PGM1: variants seen among roughly 807,000 people sequenced by gnomAD.
PGM1 encodes the protein phosphoglucomutase 1, also known as phosphoglucomutase-1.
PGM1 carries 52 observed loss-of-function variants against 55.6 expected under a neutral mutation model. The observed-to-expected ratio is 0.94, with a 90% CI of 0.75 to 1.18. PGM1 has a LOEUF of 1.18. Ranked by LOEUF, PGM1 falls within the 50% of genes most tolerant of loss-of-function variation. PGM1 has a pLI of 0.00. For missense variants in PGM1, 724 were observed against 729.3 expected, an observed-to-expected ratio of 0.99 and a Z score of 0.08; for synonymous variants, 287 against 271.7, an observed-to-expected ratio of 1.06 and a Z score of -0.55.
rs1650071480 is a variant in PGM1 at position 63,659,844 on chromosome 1, C to T, written c.*169C>T. 2 of 673,352 alleles carry T rather than the reference C, an allele frequency of 3.0e-6. No individual in the cohort carries two copies. The highest frequency in any genetic ancestry group is 2.7e-6 in the Non-Finnish European group (1 of 366,124). 41.7% of individuals were successfully genotyped at this position (673,352 alleles called of 1,614,324 possible). On this transcript the variant is annotated 3_prime_UTR_variant, in exon 11 of 11. Coordinates refer to ENST00000371084, the MANE Select transcript of PGM1 (RefSeq NM_002633.3). ...ACAAGGCACTGCCAAACAAGATGCC[C>T]TTGGGAGCTGTGAGGGAAAGAGGAC...
At position 63,654,446 on chromosome 1, in the gene PGM1, A is replaced by G; in HGVS notation, c.1579A>G (p.Lys527Glu). The change falls in exon 10 of 11, where the codon AAG (lysine) becomes GAG (glutamate). Residue 527 changes from lysine to glutamate, a missense_variant. Lys to Glu is a moderately conservative substitution (Grantham distance 56). Around this residue, in one of 3 missense-constraint regions of PGM1, gnomAD observed 316 missense variants for 313.1 expected, o/e 1.01. Coordinates refer to ENST00000371084, the MANE Select transcript of PGM1 (RefSeq NM_002633.3). ...CGATAGCTATGAGAAGGACGTTGCC[A>G]AGATTAACCAGGACCCCCAGGTAAC... ...YIDSYEKDVA[K>E]INQDPQVMLA... 1 of 1,614,026 alleles carries G rather than the reference A, an allele frequency of 6.2e-7. No homozygotes were observed. Among genetic ancestry groups the G allele is most frequent in the Non-Finnish European group, 8.5e-7 (1 of 1,179,920 alleles).
intron 10 of PGM1, 137 bp downstream of exon 10, chr1:63,654,603 TTTCTCCATGTCAAC>T: frequency 1.3e-6 from 1 of 785,730 alleles, no homozygotes; most frequent in South Asian, 1.5e-5. Flanking sequence ...TCCATGTTTC[TTTCTCCATGTCAAC>T]ATTATAGATA....
At chr1:63,629,098 T>C (rs1235013243) in intron 1 of PGM1, among the ~76,000 whole-genome samples, 1 of 152,176 alleles carries the variant, frequency 6.6e-6, no homozygotes, top group African/African-American at 2.4e-5. Flanking sequence ...TTTCAATGCA[T>C]CCAAATTGTG....
chr1:63,602,692 G>A (rs978315742), intron 1 of PGM1, among the ~76,000 whole-genome samples: 3 of 152,268 alleles, frequency 2.0e-5, no homozygotes, highest in Non-Finnish European at 4.4e-5. Context: ...TGGTGTCATA[G>A]CCATTTGGGG....
chr1:63,647,308 A>ATATATATATATATAT (rs1649683395), intron 7 of PGM1, among the ~76,000 whole-genome samples: 1 of 126,142 alleles, frequency 7.9e-6, no homozygotes, highest in Non-Finnish European at 1.8e-5. Context: ...ATATATATAT[A>ATATATATATATATAT]GTATTAAACA....
intron 1 of PGM1, chr1:63,623,408 T>C: frequency 6.3e-7 from 1 of 1,574,852 alleles, no homozygotes; most frequent in Middle Eastern, 1.7e-4. Context: ...TATTTTGGAG[T>C]CCCTTGACTG....
At chr1:63,624,340 C>T (rs1648966786) in intron 1 of PGM1, among the ~76,000 whole-genome samples, 1 of 152,068 alleles carries the variant, frequency 6.6e-6, no homozygotes. Context: ...ACAAAGAAGC[C>T]GTGCGCATGG....
At chr1:63,616,987 T>A (rs935752000) in intron 1 of PGM1, among the ~76,000 whole-genome samples, 4 of 152,234 alleles carry the variant, frequency 2.6e-5, no homozygotes. Flanking sequence ...TGCAAAGCAC[T>A]AGAACCAGCT....
At chr1:63,630,974 GA>G (rs1260176890) in intron 3 of PGM1, among the ~76,000 whole-genome samples, 1 of 152,144 alleles carries the variant, frequency 6.6e-6, no homozygotes, top group Non-Finnish European at 1.5e-5. Context: ...AGACATTCTT[GA>G]GGTTCAGAAG....
At chr1:63,641,805 C>T (rs2100993292) in intron 7 of PGM1, among the ~76,000 whole-genome samples, 1 of 152,278 alleles carries the variant, frequency 6.6e-6, no homozygotes, top group Non-Finnish European at 1.5e-5. Context: ...TGCATTGTGT[C>T]CCTCGAGCCT....
At chr1:63,610,770 C>G (rs1349093807) in intron 1 of PGM1, among the ~76,000 whole-genome samples, 1 of 152,078 alleles carries the variant, frequency 6.6e-6, no homozygotes, top group African/African-American at 2.4e-5. Flanking sequence ...ATGCACAGAG[C>G]CTGGGGGGAG....
chr1:63,623,618 A>C, intron 1 of PGM1: 1 of 1,612,782 alleles, frequency 6.2e-7, no homozygotes, highest in Non-Finnish European at 8.5e-7. Context: ...AAGCCATGCT[A>C]TCTGGAGAAT....
In PGM1 at chr1:63,659,899, T is replaced by C. The variant is rs966997770; in HGVS notation, c.*224T>C. ...GGGCTTAGATCAATCTCAATTCCTT[T>C]TCATGCCCTCCTGCATTGCTGCTGC... On this transcript the variant is annotated 3_prime_UTR_variant, in exon 11 of 11. Coordinates refer to ENST00000371084, the MANE Select transcript of PGM1 (RefSeq NM_002633.3). 3.2e-6 allele frequency: 2 copies of C among 619,954 alleles called. No homozygotes were observed. The highest frequency in any genetic ancestry group is 1.8e-5 in the African/African-American group (1 of 54,896). The allele number at this position is 619,954 out of a possible 1,614,324, so 38.4% of individuals were successfully genotyped here.
At chr1:63,637,787 AT>A (rs1282900041) in intron 6 of PGM1, among the ~76,000 whole-genome samples, 1 of 152,214 alleles carries the variant, frequency 6.6e-6, no homozygotes, top group East Asian at 1.9e-4. Context: ...AAAATTGATA[AT>A]CCACATATAG....
intron 1 of PGM1, among the ~76,000 whole-genome samples, chr1:63,626,032 C>T (rs1289432717): frequency 6.6e-6 from 1 of 152,056 alleles, no homozygotes; most frequent in African/African-American, 2.4e-5. Flanking sequence ...TTACTCCCTG[C>T]CATGTTTGAC....
intron 1 of PGM1, among the ~76,000 whole-genome samples, chr1:63,599,347 GT>G (rs1157650835): frequency 6.6e-6 from 1 of 152,040 alleles, no homozygotes; most frequent in Non-Finnish European, 1.5e-5. Flanking sequence ...TGTATTTTTA[GT>G]AGAAACGAGG....
At chr1:63,652,209 T>C (rs1007186335) in intron 9 of PGM1, among the ~76,000 whole-genome samples, 3 of 152,216 alleles carry the variant, frequency 2.0e-5, no homozygotes, top group African/African-American at 2.4e-5. Context: ...GGAACTTAGA[T>C]GTCAACTCCT....
At chr1:63,600,824 G>A (rs574173979) in intron 1 of PGM1, among the ~76,000 whole-genome samples, 293 of 152,202 alleles carry the variant, frequency 1.9e-3, no homozygotes, top group African/African-American at 6.7e-3. Flanking sequence ...ACATTTTATC[G>A]TACAAAGGGT....
intron 10 of PGM1, among the ~76,000 whole-genome samples, chr1:63,657,871 A>G (rs977379277): frequency 3.9e-5 from 6 of 152,258 alleles, no homozygotes; most frequent in South Asian, 2.1e-4. Context: ...GGTCTGCATT[A>G]TAGACACTTA....
Sources: gnomAD v4.1 joint callset for allele counts (sites outside exome capture counted in the v4.1 genomes callset) on GRCh38, gnomAD v4.1.1 for gene constraint, gnomAD v4.1.1 regional missense constraint, MANE v1.5 for transcripts, NCBI Gene and HGNC (gene_info 2026-07-23, HGNC 2026-07-21) for gene names.